The following H4C15 variants were observed in gnomAD, a reference collection of about 807,000 sequenced individuals.
The protein encoded by H4C15 is histone H4.
downstream of H4C15, among the ~76,000 whole-genome samples, chr1:149,849,504 CCA>C (rs2092161379): frequency 6.6e-6 from 1 of 152,166 alleles, no homozygotes; most frequent in Non-Finnish European, 1.5e-5. Context: ...GATTCCAAGT[CCA>C]GTGTTCCCAA....
chr1:149,849,859 G>A (rs782718274), downstream of H4C15, among the ~76,000 whole-genome samples: 3 of 152,210 alleles, frequency 2.0e-5, no homozygotes, highest in Non-Finnish European at 2.9e-5. Flanking sequence ...CAGGTTTCTC[G>A]ATACCATATA....
chr1:149,855,734 T>TTGTG (rs1177085725), downstream of H4C15, among the ~76,000 whole-genome samples: 36 of 24,068 alleles, frequency 1.5e-3, 4 homozygotes, highest in South Asian at 4.8e-3. Context: ...TCTACACATT[T>TTGTG]TGTGTGTGTG....
chr1:149,846,552 C>T, the H4C15 span: 1 of 152,072 alleles, frequency 6.6e-6, no homozygotes, highest in South Asian at 2.1e-4. Context: ...TTTAAACCTA[C>T]AGAAAAGTTG....
At chr1:149,849,947 T>G (rs1027774009), downstream of H4C15, among the ~76,000 whole-genome samples, 3 of 152,244 alleles carry the variant, frequency 2.0e-5, no homozygotes, top group Non-Finnish European at 4.4e-5. Flanking sequence ...ATTTTACCAC[T>G]GAAGAGCGGA....
downstream of H4C15, among the ~76,000 whole-genome samples, chr1:149,855,384 G>GGTGTCTGT (rs2092181470): frequency 7.2e-6 from 1 of 139,184 alleles, no homozygotes; most frequent in African/African-American, 2.6e-5. Flanking sequence ...GTGGGGGACA[G>GGTGTCTGT]GTGTGTGTGT....
At chr1:149,849,237 G>T (rs1169626610), downstream of H4C15, among the ~76,000 whole-genome samples, 1 of 152,156 alleles carries the variant, frequency 6.6e-6, no homozygotes, top group African/African-American at 2.4e-5. Context: ...TTTATCCGTT[G>T]TTTTTCACAC....
chr1:149,850,184 G>C (rs1201631214), downstream of H4C15: 1 of 684,720 alleles, frequency 1.5e-6, no homozygotes, highest in Admixed American at 2.4e-5. Flanking sequence ...TATGTGAAAA[G>C]AAAATAGTTA....
downstream of H4C15, chr1:149,850,271 A>G (rs781919532): frequency 7.6e-7 from 1 of 1,321,224 alleles, no homozygotes. Context: ...CTGACAACAC[A>G]AGAAAGATTC....
chr1:149,848,168 T>G, the H4C15 span: 1 of 152,200 alleles, frequency 6.6e-6, no homozygotes, highest in East Asian at 1.9e-4. Flanking sequence ...AATATTAGTC[T>G]TTAGCCTTAG....
At chr1:149,850,650 C>G (rs1326445310), downstream of H4C15, 3 of 466,124 alleles carry the variant, frequency 6.4e-6, no homozygotes, top group African/African-American at 4.6e-5. Flanking sequence ...ACCTTGTACA[C>G]GTAGATGGAG....
At chr1:149,845,178 C>G in the H4C15 span, 1 of 152,162 alleles carries the variant, frequency 6.6e-6, no homozygotes, top group Non-Finnish European at 1.5e-5. Flanking sequence ...TACCAAAATT[C>G]ACACAGGTAT....
downstream of H4C15, chr1:149,850,363 G>T (rs1553757620): frequency 4.3e-6 from 3 of 698,966 alleles, no homozygotes; most frequent in South Asian, 1.5e-5. Context: ...GGGAGGGAGG[G>T]AGCGAGCGAG....
the H4C15 span, chr1:149,847,642 C>A: frequency 6.6e-6 from 1 of 152,174 alleles, no homozygotes; most frequent in African/African-American, 2.4e-5. Context: ...TCCATCTCTA[C>A]CAAAAATACA....
chr1:149,845,530 G>A, the H4C15 span: 3 of 152,170 alleles, frequency 2.0e-5, no homozygotes, highest in South Asian at 2.1e-4. Context: ...AACAGAACAT[G>A]GTAAGTACAA....
downstream of H4C15, chr1:149,850,905 G>C: frequency 1.4e-5 from 1 of 70,908 alleles, no homozygotes; most frequent in Non-Finnish European, 2.4e-5. Flanking sequence ...AGTTTTCCGC[G>C]GCGCGCAATG....
downstream of H4C15, chr1:149,850,542 C>A: frequency 1.3e-6 from 1 of 753,342 alleles, no homozygotes. Context: ...AGGCGGGACG[C>A]CTCTCCCGCG....
At chr1:149,848,768 GCTAC>G in the H4C15 span, 2 of 152,136 alleles carry the variant, frequency 1.3e-5, no homozygotes, top group Non-Finnish European at 2.9e-5. Flanking sequence ...AAAAATAAAT[GCTAC>G]CTAGTCAATA....
chr1:149,848,071 C>G, the H4C15 span: 1 of 152,084 alleles, frequency 6.6e-6, no homozygotes, highest in South Asian at 2.1e-4. Flanking sequence ...AGTACAACTA[C>G]TAAAATTTTT....
the H4C15 span, chr1:149,847,211 A>T: frequency 6.6e-6 from 1 of 152,178 alleles, no homozygotes; most frequent in African/African-American, 2.4e-5. Flanking sequence ...GCCTACCTGG[A>T]TAATCTGGCA....
Sources: gnomAD v4.1 joint callset for allele counts (sites outside exome capture counted in the v4.1 genomes callset) on GRCh38, gnomAD v4.1.1 for gene constraint, MANE v1.5 for transcripts, NCBI Gene and HGNC (gene_info 2026-07-23, HGNC 2026-07-21) for gene names.